Variants in FHIT observed in about 807,000 individuals in gnomAD.
FHIT encodes the protein fragile histidine triad diadenosine triphosphatase.
Under a neutral mutation model 17.9 loss-of-function variants are expected in FHIT, and 19 were observed. The observed-to-expected ratio is 1.06, with a 90% CI of 0.74 to 1.56. FHIT has a LOEUF of 1.56. Among genes scored for constraint, FHIT ranks in the 40% most tolerant of loss-of-function variants. The probability of loss-of-function intolerance (pLI) is 0.00; values close to 1 mark genes in which losing one functional copy is unlikely to be tolerated. For synonymous variants in FHIT, 81 were observed against 69.7 expected, an observed-to-expected ratio of 1.16 and a Z score of -0.81; for missense variants, 248 against 189.2, an observed-to-expected ratio of 1.31 and a Z score of -1.82.
chr3:59,983,982 T>A (rs1708772996), intron 7 of FHIT, among the ~76,000 whole-genome samples: 1 of 152,122 alleles, frequency 6.6e-6, no homozygotes, highest in Non-Finnish European at 1.5e-5. Context: ...TTACGAATTA[T>A]AACCAAGTCT....
chr3:60,768,919 C>T (rs1325298026), intron 4 of FHIT, among the ~76,000 whole-genome samples: 4 of 152,154 alleles, frequency 2.6e-5, no homozygotes, highest in Non-Finnish European at 4.4e-5. Flanking sequence ...TTTGTATGGA[C>T]CCCATCTATC....
At chr3:59,936,291 A>C (rs3772448) in intron 7 of FHIT, among the ~76,000 whole-genome samples, 1 of 151,956 alleles carries the variant, frequency 6.6e-6, no homozygotes, top group African/African-American at 2.4e-5. Context: ...TATACATCAT[A>C]TCAGAACATT....
chr3:60,088,916 G>A (rs1401197885), intron 5 of FHIT, among the ~76,000 whole-genome samples: 1 of 152,148 alleles, frequency 6.6e-6, no homozygotes, highest in African/African-American at 2.4e-5. Context: ...AAAATACCCA[G>A]ACTTGGTTAG....
intron 5 of FHIT, among the ~76,000 whole-genome samples, chr3:60,136,841 A>T (rs540398121): frequency 2.7e-4 from 41 of 150,460 alleles, no homozygotes; most frequent in Non-Finnish European, 5.3e-4. Flanking sequence ...TTATACAAAC[A>T]TGCCCTATGG....
intron 8 of FHIT, among the ~76,000 whole-genome samples, chr3:59,895,810 G>A (rs369293488): frequency 1.3e-5 from 2 of 152,132 alleles, no homozygotes; most frequent in Non-Finnish European, 2.9e-5. Context: ...TTTAAAACTT[G>A]CTAACATCCT....
chr3:60,397,509 A>C (rs1701494677), intron 5 of FHIT, among the ~76,000 whole-genome samples: 1 of 152,208 alleles, frequency 6.6e-6, no homozygotes, highest in South Asian at 2.1e-4. Context: ...TCATTCACTG[A>C]CTATAGGAAG....
At chr3:59,804,641 G>T (rs571375709) in intron 8 of FHIT, among the ~76,000 whole-genome samples, 1 of 152,082 alleles carries the variant, frequency 6.6e-6, no homozygotes, top group African/African-American at 2.4e-5. Flanking sequence ...AGAGGATGAA[G>T]TAAAGTTATG....
intron 3 of FHIT, among the ~76,000 whole-genome samples, chr3:60,946,443 C>G (rs67072589): frequency 0.05 from 7,530 of 152,048 alleles, 634 homozygotes; most frequent in African/African-American, 0.17. Flanking sequence ...CAATTACTCC[C>G]TAGGAGAGTG....
intron 4 of FHIT, among the ~76,000 whole-genome samples, chr3:60,789,199 G>C (rs981572840): frequency 1.3e-5 from 2 of 149,198 alleles, no homozygotes; most frequent in African/African-American, 5.0e-5. Flanking sequence ...GAGAGAGAGA[G>C]ACAGAGGAGA....
At chr3:60,181,018 CCAT>C (rs1367230281) in intron 5 of FHIT, among the ~76,000 whole-genome samples, 1 of 151,956 alleles carries the variant, frequency 6.6e-6, no homozygotes, top group East Asian at 1.9e-4. Context: ...CTTTAAAGTA[CCAT>C]GAGTTAAACT....
chr3:60,431,475 C>T (rs2734375), intron 5 of FHIT, among the ~76,000 whole-genome samples: 107,603 of 151,946 alleles, frequency 0.71, 38,717 homozygotes, highest in Non-Finnish European at 0.74. Context: ...TATCTCTTGC[C>T]GACAGCTCCC....
rs17062272 is a variant in FHIT at position 60,108,987 on chromosome 3, A to G, written c.104-94835T>C. On this transcript the variant is annotated intron_variant, in intron 5 of 9. Coordinates refer to ENST00000492590, the MANE Select transcript of FHIT (RefSeq NM_002012.4). Reference sequence around the variant, plus strand: ...CATTCCTTCTCTTTTCTAAGATTTGAGTTCTCATTGTTAATCTGGTAATTT... The same window carrying G: ...CATTCCTTCTCTTTTCTAAGATTTGGGTTCTCATTGTTAATCTGGTAATTT... 7.7e-3 allele frequency among the ~76,000 whole-genome samples: 1,175 copies of G among 152,210 alleles called. 32 individuals carry two copies. In the East Asian group the frequency reaches 0.094, roughly 12 times the overall value.
chr3:60,545,011 C>T (rs893095304), intron 4 of FHIT, among the ~76,000 whole-genome samples: 1 of 152,022 alleles, frequency 6.6e-6, no homozygotes, highest in Admixed American at 6.6e-5. Context: ...AAACAAAACT[C>T]TTTTGTCAAA....
chr3:61,164,300 A>G (rs1210244207), intron 2 of FHIT, among the ~76,000 whole-genome samples: 1 of 152,216 alleles, frequency 6.6e-6, no homozygotes, highest in African/African-American at 2.4e-5. Context: ...AGCATGGTAT[A>G]GAAGAAGGCT....
At chr3:61,024,129 T>A (rs28418480) in intron 3 of FHIT, among the ~76,000 whole-genome samples, 39,615 of 151,920 alleles carry the variant, frequency 0.26, 6,077 homozygotes, top group African/African-American at 0.43. Flanking sequence ...CTTCTGCTAC[T>A]CATGAGAGTT....
chr3:59,961,637 T>C (rs922221435), intron 7 of FHIT, among the ~76,000 whole-genome samples: 11 of 152,106 alleles, frequency 7.2e-5, no homozygotes, highest in African/African-American at 2.4e-4. Context: ...CAAGGCACGG[T>C]CCCACATGGC....
At chr3:60,129,817 T>C (rs573582976) in intron 5 of FHIT, among the ~76,000 whole-genome samples, 4 of 152,326 alleles carry the variant, frequency 2.6e-5, no homozygotes, top group African/African-American at 9.6e-5. Context: ...TATATTATCA[T>C]GAATTTTATA....
chr3:60,256,607 T>A (rs1354318497), intron 5 of FHIT, among the ~76,000 whole-genome samples: 1 of 152,146 alleles, frequency 6.6e-6, no homozygotes, highest in Non-Finnish European at 1.5e-5. Flanking sequence ...CAAATCCAAA[T>A]ACCAGTCAAG....
chr3:60,818,930 G>A lies in FHIT; in HGVS notation c.-18+2989C>T, dbSNP rs144486481. On this transcript the variant is annotated intron_variant, in intron 4 of 9. Coordinates refer to ENST00000492590, the MANE Select transcript of FHIT (RefSeq NM_002012.4). ...TAAAATGGGAAACTCACTCTGGACC[G>A]ATCTGTGCTTCCAAGTTTTGAATTT... is the stretch of plus-strand genomic sequence containing the variant. 7.1e-3 allele frequency among the ~76,000 whole-genome samples: 1,084 copies of A among 152,098 alleles called. 18 individuals carry two copies. Among genetic ancestry groups the A allele is most frequent in the African/African-American group, 0.024 (995 of 41,500 alleles).
Sources: gnomAD v4.1 joint callset for allele counts (sites outside exome capture counted in the v4.1 genomes callset) on GRCh38, gnomAD v4.1.1 for gene constraint, MANE v1.5 for transcripts, NCBI Gene and HGNC (gene_info 2026-07-23, HGNC 2026-07-21) for gene names.